The following NALCN variants were observed in gnomAD, a reference collection of about 807,000 sequenced individuals.
The protein encoded by NALCN is sodium leak channel, non-selective, also known as sodium leak channel NALCN.
In NALCN, 111 loss-of-function variants were observed where a neutral mutation model predicts 225.3. The ratio of observed to expected loss-of-function variants is 0.49; its 90% CI spans 0.42 to 0.58. The LOEUF is 0.58. Among genes scored for constraint, NALCN ranks in the 20% least tolerant of loss-of-function variants. The pLI is 0.00. For missense variants in NALCN, 1,378 were observed against 2,202.4 expected (o/e 0.63, Z 7.49); for synonymous variants, 764 against 769.0 (o/e 0.99, Z 0.11).
At chr13:101,385,531 T>C (rs2046963771) in intron 3 of NALCN, among the ~76,000 whole-genome samples, 1 of 152,190 alleles carries the variant, frequency 6.6e-6, no homozygotes, top group Non-Finnish European at 1.5e-5. Flanking sequence ...AGAATCACTA[T>C]GAACCTAGAA....
intron 1 of NALCN, among the ~76,000 whole-genome samples, chr13:101,399,594 A>T (rs1466170997): frequency 6.6e-6 from 1 of 152,186 alleles, no homozygotes; most frequent in Non-Finnish European, 1.5e-5. Flanking sequence ...TGTTAATTTA[A>T]TACGACATTC....
At chr13:101,068,125 C>G in intron 38 of NALCN, 92 bp from the exon 39 acceptor site, 1 of 802,896 alleles carries the variant, frequency 1.2e-6, no homozygotes, top group Non-Finnish European at 1.9e-6. Flanking sequence ...ATAATGGATT[C>G]TATCACCTAT....
chr13:101,142,965 TA>T (rs1174138583), intron 17 of NALCN, 114 bp downstream of exon 17: 1 of 1,324,446 alleles, frequency 7.6e-7, no homozygotes, highest in African/African-American at 1.5e-5. Context: ...GAAATCATTT[TA>T]TTTTCATTAT....
chr13:101,394,056 A>G (rs886524322), intron 3 of NALCN, among the ~76,000 whole-genome samples: 1 of 152,182 alleles, frequency 6.6e-6, no homozygotes, highest in African/African-American at 2.4e-5. Context: ...CCAATACAAA[A>G]GGAGTTATTT....
At chr13:101,109,862 C>T (rs567217495) in intron 20 of NALCN, among the ~76,000 whole-genome samples, 7 of 152,304 alleles carry the variant, frequency 4.6e-5, no homozygotes, top group African/African-American at 1.4e-4. Flanking sequence ...CCCAAATCCC[C>T]ACCTTTGATT....
chr13:101,151,171 G>A (rs1030413453), intron 15 of NALCN, among the ~76,000 whole-genome samples: 12 of 152,170 alleles, frequency 7.9e-5, no homozygotes, highest in Admixed American at 5.9e-4. Flanking sequence ...ATTACACATC[G>A]GGCGGCTGAA....
In NALCN at chr13:101,249,773, A is replaced by G. The variant is rs563020031; in HGVS notation, c.1266+8670T>C. On this transcript the variant is annotated intron_variant, in intron 11 of 43. Coordinates refer to ENST00000251127, the MANE Select transcript of NALCN (RefSeq NM_052867.4). ...ATTAACATGATGAAAGGCATCTATA[A>G]AAACCTACAAATGACATTAATGATG... Among the ~76,000 whole-genome samples the G allele has an allele frequency of 2.1e-3, 318 of 152,222 alleles. 4 individuals are homozygous for G. Among genetic ancestry groups the G allele is most frequent in the African/African-American group, 7.2e-3 (300 of 41,568 alleles).
At chr13:101,248,429 T>C (rs1389927585) in intron 11 of NALCN, among the ~76,000 whole-genome samples, 1 of 152,192 alleles carries the variant, frequency 6.6e-6, no homozygotes, top group Non-Finnish European at 1.5e-5. Flanking sequence ...AAGTAGCCTC[T>C]ACATCCTTGG....
rs1370469017 is a variant in NALCN at position 101,110,834 on chromosome 13, T to A, written c.2295-146A>T. 3 of 827,080 alleles carry A rather than the reference T, an allele frequency of 3.6e-6. No homozygotes were observed. The East Asian group carries it at 7.8e-5, about 21-fold the overall frequency. The allele number at this position is 827,080 out of a possible 1,614,324, so 51.2% of individuals were successfully genotyped here. On this transcript the variant is annotated intron_variant, in intron 19 of 43. Coordinates refer to ENST00000251127, the MANE Select transcript of NALCN (RefSeq NM_052867.4). ...TTCTTTTCATAGCAGAAGCTTATAC[T>A]CTCTCCAAATGTCTTTGATCCCATC...
chr13:101,234,904 C>T (rs552057053), intron 12 of NALCN, among the ~76,000 whole-genome samples: 1 of 152,080 alleles, frequency 6.6e-6, no homozygotes, highest in South Asian at 2.1e-4. Context: ...TGGTTACAGC[C>T]TTGCAGGCTA....
At chr13:101,361,977 T>C (rs1327044517) in intron 6 of NALCN, among the ~76,000 whole-genome samples, 4 of 152,024 alleles carry the variant, frequency 2.6e-5, no homozygotes, top group Admixed American at 2.6e-4. Context: ...GAAAGTTCAA[T>C]TTATTCTGAA....
intron 28 of NALCN, among the ~76,000 whole-genome samples, chr13:101,091,817 A>G (rs538507132): frequency 6.6e-6 from 1 of 152,314 alleles, no homozygotes; most frequent in Admixed American, 6.5e-5. Context: ...ATTTGCAGCC[A>G]CTGAAACTAC....
intron 7 of NALCN, among the ~76,000 whole-genome samples, chr13:101,322,910 C>T (rs889842397): frequency 1.3e-5 from 2 of 152,062 alleles, no homozygotes; most frequent in Non-Finnish European, 2.9e-5. Context: ...CAGGGTTTCA[C>T]CATGTTGGCC....
At chr13:101,115,699 T>A (rs1447900678) in intron 18 of NALCN, among the ~76,000 whole-genome samples, 1 of 152,116 alleles carries the variant, frequency 6.6e-6, no homozygotes. Flanking sequence ...AAATGCTCAT[T>A]TATTTGCTTC....
At chr13:101,146,959 C>T (rs897292767) in intron 15 of NALCN, among the ~76,000 whole-genome samples, 2 of 152,152 alleles carry the variant, frequency 1.3e-5, no homozygotes, top group African/African-American at 4.8e-5. Flanking sequence ...GGCACTACTT[C>T]TACTCCACGA....
intron 1 of NALCN, among the ~76,000 whole-genome samples, chr13:101,415,826 GCGTTGGCC>G (rs371812688): frequency 0.011 from 1,639 of 144,600 alleles, 40 homozygotes; most frequent in African/African-American, 0.039. Flanking sequence ...CCCCACCCGC[GCGTTGGCC>G]CAGAGGTTTA....
intron 11 of NALCN, 91 bp downstream of exon 11, chr13:101,258,352 A>T (rs2042307403): frequency 6.6e-7 from 1 of 1,516,646 alleles, no homozygotes; most frequent in South Asian, 1.2e-5. Flanking sequence ...AGTAATGAAC[A>T]GGCTACACTT....
chr13:101,404,004 T>C (rs80331216), intron 1 of NALCN, among the ~76,000 whole-genome samples: 6,118 of 152,350 alleles, frequency 0.04, 227 homozygotes, highest in East Asian at 0.12. Context: ...TTGACTATCC[T>C]GACCATTTTG....
intron 17 of NALCN, among the ~76,000 whole-genome samples, chr13:101,140,597 A>AT (rs2139775997): frequency 6.6e-6 from 1 of 152,310 alleles, no homozygotes; most frequent in Admixed American, 6.5e-5. Flanking sequence ...AAACAAAACA[A>AT]CCTGCTTTCT....
Sources: allele counts gnomAD v4.1 joint callset (sites outside exome capture counted in the v4.1 genomes callset), GRCh38; gene constraint gnomAD v4.1.1; transcripts MANE v1.5; gene names NCBI Gene and HGNC (gene_info 2026-07-23, HGNC 2026-07-21).